KATNIP: variants seen among roughly 807,000 people sequenced by gnomAD.
KATNIP encodes the protein katanin-interacting protein.
A neutral mutation model predicts 174.0 loss-of-function variants in KATNIP; 126 were observed. That is an observed-to-expected ratio of 0.72 (90% CI 0.63 to 0.84). The LOEUF is 0.84. Ranked by LOEUF, KATNIP falls within the 40% of genes least tolerant of loss-of-function variation. The pLI, the probability that KATNIP is intolerant of heterozygous loss-of-function variation, is 0.00. For synonymous variants in KATNIP, 810 were observed against 835.7 expected, an observed-to-expected ratio of 0.97 and a Z score of 0.53; for missense variants, 1,958 against 2,109.7, an observed-to-expected ratio of 0.93 and a Z score of 1.41.
chr16:27,594,236 G>T (rs1225358132), intron 2 of KATNIP, among the ~76,000 whole-genome samples: 1 of 151,894 alleles, frequency 6.6e-6, no homozygotes, highest in Non-Finnish European at 1.5e-5. Flanking sequence ...CTCCAGCCTG[G>T]GTGACAGAGT....
chr16:27,563,452 A>G (rs2089965293), intron 1 of KATNIP, among the ~76,000 whole-genome samples: 1 of 152,138 alleles, frequency 6.6e-6, no homozygotes, highest in African/African-American at 2.4e-5. Flanking sequence ...TGGGAGGTCG[A>G]GGCTGCAGTG....
intron 13 of KATNIP, among the ~76,000 whole-genome samples, chr16:27,721,200 C>T (rs1412418464): frequency 3.9e-5 from 6 of 152,186 alleles, no homozygotes; most frequent in Non-Finnish European, 7.4e-5. Context: ...AATCAAATAG[C>T]GTCCCATCCT....
chr16:27,584,168 T>C (rs981758186), intron 2 of KATNIP, among the ~76,000 whole-genome samples: 1 of 152,050 alleles, frequency 6.6e-6, no homozygotes, highest in African/African-American at 2.4e-5. Flanking sequence ...TCTTCCTCCT[T>C]CTTTGCTTCC....
Position 27,601,057 on chromosome 16 carries a change from C to T in KATNIP, c.64-17368C>T, listed in dbSNP as rs2075507681. On this transcript the variant is annotated intron_variant, in intron 2 of 27. Coordinates refer to ENST00000261588, the MANE Select transcript of KATNIP (RefSeq NM_015202.5). ...CTCAGTTGCCTCCTCTTGATAGCAT[C>T]TGCCACACTGCACTGGAGCAATTGT... Among the ~76,000 whole-genome samples, 5 of 152,190 alleles carry T rather than the reference C, an allele frequency of 3.3e-5. No individual in the cohort carries two copies. The South Asian group carries it at 8.3e-4, about 25-fold the overall frequency.
intron 6 of KATNIP, among the ~76,000 whole-genome samples, chr16:27,658,770 G>C (rs1290617980): frequency 1.3e-5 from 2 of 151,972 alleles, no homozygotes; most frequent in African/African-American, 4.8e-5. Flanking sequence ...TGTTGTTGTT[G>C]TTTGTTTGTT....
At position 27,766,201 on chromosome 16, in the gene KATNIP, G is replaced by A. The variant is rs2082116930; in HGVS notation, c.3810-108G>A. ...TAACAAGCCTGACACAGCCAGGCTA[G>A]TGCCAGGCAGTGGGGACGTACTTGG... On this transcript the variant is annotated intron_variant, in intron 19 of 27. Transcript: ENST00000261588. 2.6e-6 allele frequency: 3 copies of A among 1,174,068 alleles called. No individual in the cohort carries two copies. In the African/African-American group the frequency reaches 4.5e-5, roughly 18 times the overall value. The allele number at this position is 1,174,068 out of a possible 1,614,324, so 72.7% of individuals were successfully genotyped here.
chr16:27,663,878 A>G (rs1263572444), intron 6 of KATNIP, among the ~76,000 whole-genome samples: 1 of 151,440 alleles, frequency 6.6e-6, no homozygotes, highest in Non-Finnish European at 1.5e-5. Flanking sequence ...GAGCATGATC[A>G]TGGGTCACTG....
intron 2 of KATNIP, among the ~76,000 whole-genome samples, chr16:27,611,839 C>T (rs944445823): frequency 6.6e-6 from 1 of 152,160 alleles, no homozygotes; most frequent in Non-Finnish European, 1.5e-5. Flanking sequence ...AACAACTCAG[C>T]ACTTAATTAT....
intron 20 of KATNIP, 91 bp from the exon 21 acceptor site, chr16:27,769,770 A>G (rs2144166766): frequency 1.4e-6 from 2 of 1,473,690 alleles, no homozygotes; most frequent in Admixed American, 1.7e-5. Context: ...CATGGTGAGC[A>G]CAGCTGCCAG....
chr16:27,770,977 C>T (rs1303552622), intron 21 of KATNIP, among the ~76,000 whole-genome samples: 1 of 152,172 alleles, frequency 6.6e-6, no homozygotes, highest in African/African-American at 2.4e-5. Flanking sequence ...GACTTCCCAC[C>T]TTGGGCCTTT....
At chr16:27,651,641 G>T (rs1407916471) in intron 6 of KATNIP, among the ~76,000 whole-genome samples, 1 of 152,182 alleles carries the variant, frequency 6.6e-6, no homozygotes, top group Non-Finnish European at 1.5e-5. Context: ...CTGGCTTGCT[G>T]CAGACATGTT....
intron 1 of KATNIP, among the ~76,000 whole-genome samples, chr16:27,557,726 C>T (rs2141562920): frequency 6.6e-6 from 1 of 152,242 alleles, no homozygotes; most frequent in Non-Finnish European, 1.5e-5. Context: ...CTATGCCTGG[C>T]TGGAAATGAA....
intron 8 of KATNIP, among the ~76,000 whole-genome samples, chr16:27,681,760 G>A (rs946388439): frequency 3.9e-5 from 6 of 152,214 alleles, no homozygotes; most frequent in Non-Finnish European, 7.3e-5. Context: ...GTGGAGGAGC[G>A]AGTGCGCTGT....
At chr16:27,578,853 C>T (rs2090594346) in intron 2 of KATNIP, among the ~76,000 whole-genome samples, 1 of 151,998 alleles carries the variant, frequency 6.6e-6, no homozygotes, top group African/African-American at 2.4e-5. Flanking sequence ...GCTGGGATTA[C>T]AGGCGTGAGT....
chr16:27,704,585 T>C (rs901555676), intron 12 of KATNIP, among the ~76,000 whole-genome samples: 1 of 152,134 alleles, frequency 6.6e-6, no homozygotes, highest in African/African-American at 2.4e-5. Flanking sequence ...TTATTGGAAG[T>C]AGGGAAGACA....
Position 27,740,391 on chromosome 16 carries a change from T to G in KATNIP, c.2094T>G (p.Tyr698Ter). 1 of 1,614,194 alleles carries G rather than the reference T, an allele frequency of 6.2e-7. No individual in the cohort carries two copies. The highest frequency in any genetic ancestry group is 8.5e-7 in the Non-Finnish European group (1 of 1,180,050). Residue 698 changes from tyrosine (Y) to a stop codon, truncating the protein, a stop_gained, in exon 15 of 28, where the codon TAT becomes TAG. Transcript: ENST00000261588. LOFTEE classifies it high-confidence loss of function. ...RKDSLSQLEE[Y>*]LRLSAVPTSM... is the part of the protein sequence containing the mutation. ...ACAGTTTGTCCCAGTTAGAGGAATA[T>G]TTGAGACTGTCGGCAGTCCCCACTT...
chr16:27,726,001 C>T (rs2080434471), intron 14 of KATNIP, among the ~76,000 whole-genome samples: 1 of 152,174 alleles, frequency 6.6e-6, no homozygotes, highest in South Asian at 2.1e-4. Flanking sequence ...CCCCAGGCCA[C>T]AGACCAGTAC....
chr16:27,554,630 C>G (rs772501455), intron 1 of KATNIP, among the ~76,000 whole-genome samples: 4 of 152,116 alleles, frequency 2.6e-5, no homozygotes, highest in African/African-American at 4.8e-5. Context: ...TCTGTACTTG[C>G]AGTCTTAGGA....
At chr16:27,588,363 T>A (rs1596817716) in intron 2 of KATNIP, among the ~76,000 whole-genome samples, 1 of 152,180 alleles carries the variant, frequency 6.6e-6, no homozygotes, top group East Asian at 1.9e-4. Context: ...TATAAATATA[T>A]AAAATCAGTT....
Sources: allele counts gnomAD v4.1 joint callset (sites outside exome capture counted in the v4.1 genomes callset), GRCh38; gene constraint gnomAD v4.1.1; transcripts MANE v1.5; gene names NCBI Gene and HGNC (gene_info 2026-07-23, HGNC 2026-07-21).